The following UBE2K variants were observed in gnomAD, a reference collection of about 807,000 sequenced individuals.
UBE2K encodes the protein ubiquitin conjugating enzyme E2 K.
Under a neutral mutation model 30.0 loss-of-function variants are expected in UBE2K, and 6 were observed. The observed-to-expected ratio is 0.20, with a 90% CI of 0.11 to 0.39. The LOEUF is 0.39. Among genes scored for constraint, UBE2K ranks in the 10% least tolerant of loss-of-function variants. UBE2K has a pLI of 1.00. For synonymous variants in UBE2K, 86 were observed against 83.7 expected (o/e 1.03, Z -0.15); for missense variants, 61 against 241.6 (o/e 0.25, Z 4.96).
At chr4:39,698,650 G>C (rs1337829671) in intron 1 of UBE2K, among the ~76,000 whole-genome samples, 1 of 152,120 alleles carries the variant, frequency 6.6e-6, no homozygotes, top group Admixed American at 6.6e-5. Flanking sequence ...GCAACTCCTC[G>C]GAGGGATGGA....
intron 1 of UBE2K, chr4:39,714,535 TATATATATA>T (rs1384178575): frequency 0.031 from 1,192 of 38,588 alleles, 174 homozygotes; most frequent in African/African-American, 0.18. Context: ...TATATATATA[TATATATATA>T]TATATATTTT....
chr4:39,703,770 C>T lies in UBE2K; in HGVS notation c.63+5380C>T, dbSNP rs536407192. ...GCTGAGGCAGGAGAATTGCTTGAACCGGGGAGGTGGAGGTTGCAGTGAGCG... is the reference window on the plus strand; with the variant it reads ...GCTGAGGCAGGAGAATTGCTTGAACTGGGGAGGTGGAGGTTGCAGTGAGCG... On this transcript the variant is annotated intron_variant, in intron 1 of 6. Coordinates refer to ENST00000261427, the MANE Select transcript of UBE2K (RefSeq NM_005339.5). Among the ~76,000 whole-genome samples the T allele has an allele frequency of 3.4e-5, 5 of 147,650 alleles. No individual in the cohort carries two copies. The South Asian group carries it at 6.5e-4, about 19-fold the overall frequency.
intron 1 of UBE2K, among the ~76,000 whole-genome samples, chr4:39,703,136 G>A (rs1304445855): frequency 2.6e-5 from 4 of 152,036 alleles, no homozygotes; most frequent in African/African-American, 4.8e-5. Context: ...GATTACAGGC[G>A]CCTACTACCA....
At chr4:39,728,827 G>GTTTTTTTTTTTTTTTTTTTTT (rs372834149) in intron 1 of UBE2K, among the ~76,000 whole-genome samples, 1 of 128,662 alleles carries the variant, frequency 7.8e-6, no homozygotes, top group South Asian at 2.4e-4. Context: ...TGTTTTTTTT[G>GTTTTTTTTTTTTTTTTTTTTT]TTTTTTTTTT....
intron 1 of UBE2K, among the ~76,000 whole-genome samples, chr4:39,704,926 C>T (rs1718251550): frequency 6.9e-6 from 1 of 144,404 alleles, no homozygotes; most frequent in South Asian, 2.1e-4. Context: ...GGCTGGAGTG[C>T]AATGCGCCAT....
At chr4:39,698,420 C>T (rs369399286) in intron 1 of UBE2K, 30 bp downstream of exon 1, 18 of 1,595,176 alleles carry the variant, frequency 1.1e-5, no homozygotes, top group Non-Finnish European at 1.5e-5. Flanking sequence ...ATATCCCCCA[C>T]CTCTGCCTGG....
intron 1 of UBE2K, among the ~76,000 whole-genome samples, chr4:39,712,927 G>A (rs1479697633): frequency 6.7e-5 from 10 of 150,322 alleles, no homozygotes; most frequent in South Asian, 2.1e-4. Context: ...GTGCCGTGGC[G>A]CGATCTTGGC....
At chr4:39,754,433 A>C (rs2109373141) in intron 3 of UBE2K, among the ~76,000 whole-genome samples, 1 of 152,344 alleles carries the variant, frequency 6.6e-6, no homozygotes, top group South Asian at 2.1e-4. Flanking sequence ...AGGTAGTGTA[A>C]ACAAATCAAG....
At chr4:39,735,273 G>A (rs1042449916) in intron 1 of UBE2K, among the ~76,000 whole-genome samples, 1 of 152,182 alleles carries the variant, frequency 6.6e-6, no homozygotes, top group Non-Finnish European at 1.5e-5. Flanking sequence ...GCAGTGGCAC[G>A]ATCTTGGCTC....
At chr4:39,751,791 C>A (rs1018574072) in intron 3 of UBE2K, among the ~76,000 whole-genome samples, 132 of 152,106 alleles carry the variant, frequency 8.7e-4, no homozygotes, top group African/African-American at 3.1e-3. Context: ...CATGGTGAAA[C>A]CCTGTCACTA....
At chr4:39,721,468 C>T (rs1049529048) in intron 1 of UBE2K, among the ~76,000 whole-genome samples, 1 of 152,090 alleles carries the variant, frequency 6.6e-6, no homozygotes, top group African/African-American at 2.4e-5. Context: ...ATCTTCCTAC[C>T]TCAGTCTCCT....
intron 1 of UBE2K, among the ~76,000 whole-genome samples, chr4:39,717,921 G>C (rs1719184487): frequency 6.8e-6 from 1 of 147,022 alleles, no homozygotes; most frequent in African/African-American, 2.7e-5. Context: ...CGGTGGGTTC[G>C]TGGTTTCGCT....
chr4:39,712,624 G>A (rs190699883), intron 1 of UBE2K, among the ~76,000 whole-genome samples: 16 of 152,032 alleles, frequency 1.1e-4, no homozygotes, highest in African/African-American at 3.9e-4. Context: ...GTTTCACCAT[G>A]TTGGTCAGGC....
chr4:39,741,935 A>G (rs1320600174), intron 2 of UBE2K, among the ~76,000 whole-genome samples: 1 of 152,164 alleles, frequency 6.6e-6, no homozygotes, highest in Non-Finnish European at 1.5e-5. Flanking sequence ...TAATATAGTT[A>G]TCATAAGGAT....
intron 4 of UBE2K, among the ~76,000 whole-genome samples, chr4:39,758,060 G>A (rs1162019561): frequency 6.6e-6 from 1 of 152,032 alleles, no homozygotes; most frequent in Non-Finnish European, 1.5e-5. Flanking sequence ...ACTATATAAC[G>A]AACATATCAA....
Position 39,781,564 on chromosome 4 carries a change from AGTAGGT to A in UBE2K, c.*3134_*3139del. 1 of 178,376 alleles carries A rather than the reference AGTAGGT, an allele frequency of 5.6e-6. No homozygotes were observed. The highest frequency in any genetic ancestry group is 2.0e-4 in the South Asian group (1 of 5,044). 11.0% of individuals were successfully genotyped at this position (178,376 alleles called of 1,614,324 possible). ...CTGATTTGAGCTTTTAAAACTGTGC[AGTAGGT>A]GTATGGTAATGTTTTACAATCCTAT... On this transcript the variant is annotated 3_prime_UTR_variant, in exon 7 of 7. Transcript: ENST00000261427.
At chr4:39,734,682 C>T (rs2109345847) in intron 1 of UBE2K, among the ~76,000 whole-genome samples, 1 of 152,152 alleles carries the variant, frequency 6.6e-6, no homozygotes, top group Non-Finnish European at 1.5e-5. Flanking sequence ...CATGGTGGTG[C>T]ACACCTCTCG....
At chr4:39,758,126 A>G (rs571016145) in intron 4 of UBE2K, among the ~76,000 whole-genome samples, 3 of 152,278 alleles carry the variant, frequency 2.0e-5, no homozygotes, top group Non-Finnish European at 2.9e-5. Context: ...AGTCTTCCCC[A>G]ACTAAGTTAT....
chr4:39,741,143 C>T lies in UBE2K; in HGVS notation c.157+3630C>T, dbSNP rs189868005. 2.8e-3 allele frequency among the ~76,000 whole-genome samples: 431 copies of T among 151,948 alleles called. 12 individuals carry two copies. In the East Asian group the frequency reaches 0.046, roughly 16 times the overall value. On this transcript the variant is annotated intron_variant, in intron 2 of 6. Transcript: ENST00000261427. ...AAAATTAGCTGGGTGTGGTGGCGTG[C>T]GCCTATAATCCCAGCTACTCAGGAG... is the stretch of plus-strand genomic sequence containing the variant.
Sources: gnomAD v4.1 joint callset for allele counts (sites outside exome capture counted in the v4.1 genomes callset) on GRCh38, gnomAD v4.1.1 for gene constraint, MANE v1.5 for transcripts, NCBI Gene and HGNC (gene_info 2026-07-23, HGNC 2026-07-21) for gene names.